The following PEBP4 variants were observed in gnomAD, a reference collection of about 807,000 sequenced individuals.
PEBP4 encodes phosphatidylethanolamine binding protein 4, also known as phosphatidylethanolamine-binding protein 4.
A neutral mutation model predicts 23.9 loss-of-function variants in PEBP4; 22 were observed. That is an observed-to-expected ratio of 0.92 (90% CI 0.66 to 1.31). The LOEUF (loss-of-function observed/expected upper bound fraction) is 1.31. Among genes scored for constraint, PEBP4 ranks in the 40% most tolerant of loss-of-function variants. PEBP4 has a pLI of 0.00. For missense variants in PEBP4, 324 were observed against 281.7 expected (o/e 1.15, Z -1.07); for synonymous variants, 112 against 99.3 (o/e 1.13, Z -0.76).
At chr8:22,748,283 G>A (rs1049087213) in intron 4 of PEBP4, among the ~76,000 whole-genome samples, 1 of 152,062 alleles carries the variant, frequency 6.6e-6, no homozygotes, top group Admixed American at 6.5e-5. Flanking sequence ...CCATTGAGAG[G>A]AGCCCTCCAG....
At chr8:22,918,606 C>T (rs930499620) in intron 3 of PEBP4, among the ~76,000 whole-genome samples, 9 of 152,210 alleles carry the variant, frequency 5.9e-5, no homozygotes, top group Non-Finnish European at 1.0e-4. Context: ...CATCAGCACG[C>T]GGAAGGGAGC....
intron 3 of PEBP4, among the ~76,000 whole-genome samples, chr8:22,919,557 C>T: frequency 6.6e-6 from 1 of 152,206 alleles, no homozygotes; most frequent in East Asian, 1.9e-4. Flanking sequence ...CCAGGCTTTC[C>T]AGACCCCTAA....
intron 3 of PEBP4, among the ~76,000 whole-genome samples, chr8:22,911,389 C>G (rs1465053660): frequency 6.6e-6 from 1 of 152,208 alleles, no homozygotes; most frequent in East Asian, 1.9e-4. Flanking sequence ...TCTCACCTCC[C>G]CACCAGGCAG....
intron 4 of PEBP4, among the ~76,000 whole-genome samples, chr8:22,777,091 G>A (rs1805829135): frequency 6.6e-6 from 1 of 152,024 alleles, no homozygotes; most frequent in Non-Finnish European, 1.5e-5. Flanking sequence ...CAGGTGGTGT[G>A]GGTCAGAGCA....
chr8:22,936,858 T>G (rs540881412), intron 1 of PEBP4, among the ~76,000 whole-genome samples: 2 of 152,176 alleles, frequency 1.3e-5, no homozygotes, highest in Admixed American at 6.5e-5. Flanking sequence ...AAATACTACA[T>G]GGTCATCTCA....
intron 3 of PEBP4, among the ~76,000 whole-genome samples, chr8:22,917,789 C>T (rs760470657): frequency 2.1e-4 from 32 of 152,326 alleles, no homozygotes; most frequent in Non-Finnish European, 4.4e-4. Flanking sequence ...AAGACCAAAG[C>T]GAGACCAATC....
intron 3 of PEBP4, among the ~76,000 whole-genome samples, chr8:22,820,557 C>A (rs1806837062): frequency 6.6e-6 from 1 of 152,104 alleles, no homozygotes; most frequent in African/African-American, 2.4e-5. Flanking sequence ...CATTTATCAA[C>A]CATGGAGGGG....
At position 22,927,622 on chromosome 8, in the gene PEBP4, G is replaced by T. The variant is rs377109138; in HGVS notation, c.93C>A (p.Ala31=). Residue 31 remains alanine (A), a synonymous_variant, in exon 2 of 7, where the codon GCC becomes GCA. Transcript: ENST00000256404. ...TGTCCTCGTCCAAGAGGGCCTCATGGGCACACGGGCTGTTCTCATCCTCGT... is the reference window on the plus strand; with the variant it reads ...TGTCCTCGTCCAAGAGGGCCTCATGTGCACACGGGCTGTTCTCATCCTCGT... ...TGDEDENSPC[A]HEALLDEDTL... is the part of the protein sequence containing the mutation. 11 of 1,613,422 alleles carry T rather than the reference G, an allele frequency of 6.8e-6. No individual in the cohort carries two copies. The African/African-American group carries it at 1.5e-4, about 21-fold the overall frequency.
intron 4 of PEBP4, among the ~76,000 whole-genome samples, chr8:22,737,147 A>G (rs1207469277): frequency 6.6e-6 from 1 of 152,068 alleles, no homozygotes; most frequent in African/African-American, 2.4e-5. Context: ...TACAAAAATT[A>G]GCAAGGCGTG....
At chr8:22,807,243 A>G (rs1806515396) in intron 4 of PEBP4, among the ~76,000 whole-genome samples, 1 of 152,178 alleles carries the variant, frequency 6.6e-6, no homozygotes, top group Non-Finnish European at 1.5e-5. Context: ...AGAGCAGGTA[A>G]CAGTCCGCAG....
At chr8:22,924,828 TG>T in intron 2 of PEBP4, 1 of 985,354 alleles carries the variant, frequency 1.0e-6, no homozygotes, top group Non-Finnish European at 1.2e-6. Context: ...TGGTCTTGTC[TG>T]GGGTATCTCA....
intron 2 of PEBP4, chr8:22,925,088 C>T (rs1374476637): frequency 1.0e-6 from 1 of 985,240 alleles, no homozygotes. Context: ...GCTGTCTCCT[C>T]AGGGGTCCGA....
chr8:22,786,998 T>A (rs1172116101), intron 4 of PEBP4, among the ~76,000 whole-genome samples: 3 of 152,054 alleles, frequency 2.0e-5, no homozygotes, highest in African/African-American at 7.2e-5. Flanking sequence ...TTAAAAAATT[T>A]TTTTTGTAGA....
At position 22,817,636 on chromosome 8, in the gene PEBP4, C is replaced by A; in HGVS notation, c.357+1G>T. 6.2e-7 allele frequency: 1 copy of A among 1,613,666 alleles called. No homozygotes were observed. Among genetic ancestry groups the A allele is most frequent in the Non-Finnish European group, 8.5e-7 (1 of 1,179,592 alleles). On this transcript the variant is annotated splice_donor_variant, in intron 4 of 6. Transcript: ENST00000256404. LOFTEE classifies it high-confidence loss of function. The stretch of plus-strand genomic sequence containing the variant: ...CAGAGAGTGCCTCTTGGCCTGCTTA[C>A]CTTGATATCTGTTACCAGCCAATGT...
At chr8:22,758,957 G>A (rs999135572) in intron 4 of PEBP4, among the ~76,000 whole-genome samples, 1 of 151,986 alleles carries the variant, frequency 6.6e-6, no homozygotes, top group African/African-American at 2.4e-5. Context: ...CACTGGCAGA[G>A]CATGGAGAAG....
At chr8:22,924,190 C>T (rs1418187752) in intron 2 of PEBP4, among the ~76,000 whole-genome samples, 6 of 152,022 alleles carry the variant, frequency 3.9e-5, no homozygotes, top group Non-Finnish European at 8.8e-5. Context: ...TACCGAGACT[C>T]CCAACTCTAC....
chr8:22,924,704 G>C (rs1809286274), intron 2 of PEBP4: 8 of 985,366 alleles, frequency 8.1e-6, no homozygotes, highest in Non-Finnish European at 9.6e-6. Context: ...TGACTGGATG[G>C]CAGCAGCAGG....
intron 4 of PEBP4, among the ~76,000 whole-genome samples, chr8:22,773,560 A>G (rs1805758101): frequency 1.3e-5 from 2 of 151,936 alleles, no homozygotes; most frequent in Non-Finnish European, 2.9e-5. Flanking sequence ...GGGCTGGCCT[A>G]CCCCTCTCCC....
intron 3 of PEBP4, among the ~76,000 whole-genome samples, chr8:22,872,137 A>G (rs928229912): frequency 2.6e-5 from 4 of 152,172 alleles, no homozygotes; most frequent in Non-Finnish European, 4.4e-5. Context: ...GTAGTATCCT[A>G]TGGTATGTAT....
Sources: allele counts gnomAD v4.1 joint callset (sites outside exome capture counted in the v4.1 genomes callset), GRCh38; gene constraint gnomAD v4.1.1; transcripts MANE v1.5; gene names NCBI Gene and HGNC (gene_info 2026-07-23, HGNC 2026-07-21).